The following MTA3 variants were observed in gnomAD, a reference collection of about 807,000 sequenced individuals.
MTA3 encodes metastasis-associated protein MTA3.
Under a neutral mutation model 83.5 loss-of-function variants are expected in MTA3, and 34 were observed. That is an observed-to-expected ratio of 0.41 (90% CI 0.31 to 0.54). MTA3 has a LOEUF of 0.54. Among genes scored for constraint, MTA3 ranks in the 20% least tolerant of loss-of-function variants. The probability of loss-of-function intolerance (pLI) is 0.33; values close to 1 mark genes in which losing one functional copy is unlikely to be tolerated. For missense variants in MTA3, 761 were observed against 726.4 expected (o/e 1.05, Z -0.55); for synonymous variants, 303 against 252.7 (o/e 1.20, Z -1.89).
intron 2 of MTA3, among the ~76,000 whole-genome samples, chr2:42,554,402 G>C (rs764747397): frequency 2.0e-5 from 3 of 152,166 alleles, no homozygotes; most frequent in Admixed American, 6.5e-5. Flanking sequence ...TTGAACTGAT[G>C]CATTTGTATT....
intron 14 of MTA3, among the ~76,000 whole-genome samples, chr2:42,712,442 C>T (rs551223624): frequency 3.3e-5 from 5 of 152,074 alleles, no homozygotes; most frequent in African/African-American, 1.2e-4. Flanking sequence ...TGGGTGTGGC[C>T]CACCACACCG....
intron 3 of MTA3, among the ~76,000 whole-genome samples, chr2:42,580,357 T>TTTTATTTATTTA (rs532773955): frequency 6.6e-6 from 1 of 151,418 alleles, no homozygotes; most frequent in African/African-American, 2.4e-5. Flanking sequence ...ATTTAATTAA[T>TTTTATTTATTTA]TTTATTTATT....
At chr2:42,622,374 T>TCGGCATGAGAGGGAGAC (rs1427559586) in intron 4 of MTA3, among the ~76,000 whole-genome samples, 4 of 118,010 alleles carry the variant, frequency 3.4e-5, no homozygotes, top group South Asian at 3.1e-4. Context: ...CAGCTTCGGC[T>TCGGCATGAGAGGGAGAC]CGGCATGAGA....
chr2:42,608,300 C>T (rs6544575), intron 3 of MTA3, among the ~76,000 whole-genome samples: 116,293 of 152,152 alleles, frequency 0.76, 44,984 homozygotes, highest in South Asian at 0.88. Flanking sequence ...AATGCAGCAG[C>T]AACTTTATCA....
intron 2 of MTA3, among the ~76,000 whole-genome samples, chr2:42,542,002 G>A (rs1676538894): frequency 6.6e-6 from 1 of 152,160 alleles, no homozygotes; most frequent in African/African-American, 2.4e-5. Context: ...GGGTTGTGAG[G>A]AGCCAAGGCA....
intron 16 of MTA3, among the ~76,000 whole-genome samples, chr2:42,739,353 T>C (rs1011321100): frequency 6.6e-6 from 1 of 152,146 alleles, no homozygotes; most frequent in East Asian, 1.9e-4. Context: ...ACAATAATTA[T>C]GTTTACACTA....
chr2:42,716,676 G>A (rs1373683403), intron 14 of MTA3, among the ~76,000 whole-genome samples: 1 of 152,122 alleles, frequency 6.6e-6, no homozygotes, highest in Non-Finnish European at 1.5e-5. Context: ...CTTTTCTTCT[G>A]GCTGCATAGT....
intron 16 of MTA3, among the ~76,000 whole-genome samples, chr2:42,746,400 C>T (rs576514107): frequency 6.6e-6 from 1 of 152,278 alleles, no homozygotes; most frequent in Non-Finnish European, 1.5e-5. Context: ...CAGAAGACTT[C>T]TGTGACCAAA....
rs554168170 is a variant in MTA3, at chr2:42,632,389, C to T, written c.318-7784C>T. On this transcript the variant is annotated intron_variant, in intron 4 of 16. Transcript: ENST00000405094. Reference sequence around the variant, plus strand: ...ACAGGCTTGAGCCACCGCGCCCAGCCCCCAGCTGCTGTTTTGTACTTATTA... The same window carrying T: ...ACAGGCTTGAGCCACCGCGCCCAGCTCCCAGCTGCTGTTTTGTACTTATTA... Among the ~76,000 whole-genome samples, 3 of 152,134 alleles carry T rather than the reference C, an allele frequency of 2.0e-5. No individual in the cohort carries two copies. In the East Asian group the frequency reaches 5.8e-4, roughly 29 times the overall value.
At chr2:42,591,737 G>A (rs1255965473) in intron 3 of MTA3, among the ~76,000 whole-genome samples, 4 of 151,890 alleles carry the variant, frequency 2.6e-5, no homozygotes, top group Admixed American at 6.6e-5. Context: ...TGCAATCTCC[G>A]CCTTCCAGGT....
intron 5 of MTA3, among the ~76,000 whole-genome samples, chr2:42,642,707 C>T (rs1687803880): frequency 6.8e-6 from 1 of 147,220 alleles, no homozygotes; most frequent in African/African-American, 2.5e-5. Flanking sequence ...TGCAATGGTG[C>T]AATCTTGGCT....
intron 11 of MTA3, among the ~76,000 whole-genome samples, chr2:42,701,228 A>T (rs1488004811): frequency 7.6e-6 from 1 of 131,010 alleles, no homozygotes; most frequent in Non-Finnish European, 1.6e-5. Context: ...CCTGAGCCTG[A>T]GAGGTTGAGG....
chr2:42,725,635 G>T (rs908910572), intron 16 of MTA3, among the ~76,000 whole-genome samples: 1 of 152,182 alleles, frequency 6.6e-6, no homozygotes, highest in Admixed American at 6.5e-5. Flanking sequence ...GAGCCAGAAC[G>T]CAACCCAGAG....
chr2:42,539,434 C>T (rs1438183986), intron 2 of MTA3, among the ~76,000 whole-genome samples: 1 of 152,004 alleles, frequency 6.6e-6, no homozygotes, highest in East Asian at 1.9e-4. Context: ...AACTTACTAT[C>T]ACGAGAATAG....
chr2:42,518,123 A>G (rs1287443043), intron 2 of MTA3, among the ~76,000 whole-genome samples: 3 of 151,646 alleles, frequency 2.0e-5, no homozygotes, highest in Non-Finnish European at 2.9e-5. Flanking sequence ...AGAGGTTGCA[A>G]TGAGCCGAGA....
chr2:42,600,629 C>T (rs1682446217), intron 3 of MTA3, among the ~76,000 whole-genome samples: 1 of 152,006 alleles, frequency 6.6e-6, no homozygotes, highest in Non-Finnish European at 1.5e-5. Context: ...GCAACCTCTG[C>T]CTCCTGGGTT....
intron 16 of MTA3, among the ~76,000 whole-genome samples, chr2:42,727,171 C>T (rs1032223929): frequency 3.9e-5 from 6 of 152,116 alleles, no homozygotes; most frequent in Admixed American, 1.3e-4. Context: ...GTACTCTAGC[C>T]TGGGTTACAG....
chr2:42,605,917 G>A (rs1303737178), intron 3 of MTA3, among the ~76,000 whole-genome samples: 3 of 84,402 alleles, frequency 3.6e-5, no homozygotes, highest in African/African-American at 1.5e-4. Context: ...AGGGGCGGCC[G>A]GGCAGAGGCG....
chr2:42,495,140 C>T (rs1268193542), intron 1 of MTA3: 1 of 152,684 alleles, frequency 6.5e-6, no homozygotes, highest in Non-Finnish European at 1.5e-5. Flanking sequence ...TTTCATTGCC[C>T]TCTACTTTTC....
Sources: gnomAD v4.1 joint callset for allele counts (sites outside exome capture counted in the v4.1 genomes callset) on GRCh38, gnomAD v4.1.1 for gene constraint, MANE v1.5 for transcripts, NCBI Gene and HGNC (gene_info 2026-07-23, HGNC 2026-07-21) for gene names.